The following MCOLN3 variants were observed in gnomAD, a reference collection of about 807,000 sequenced individuals.
MCOLN3 encodes the protein mucolipin TRP cation channel 3, also known as mucolipin-3.
In MCOLN3, 62 loss-of-function variants were observed where a neutral mutation model predicts 69.4. The observed-to-expected ratio is 0.89, with a 90% CI of 0.73 to 1.10. The LOEUF is 1.10. MCOLN3 is among the 50% of genes least tolerant of loss of function. MCOLN3 has a pLI of 0.00. For synonymous variants in MCOLN3, 183 were observed against 217.0 expected (o/e 0.84, Z 1.38); for missense variants, 564 against 656.4 (o/e 0.86, Z 1.54).
chr1:85,036,934 C>T (rs1199432381), intron 3 of MCOLN3: 1 of 152,216 alleles, frequency 6.6e-6, no homozygotes, highest in African/African-American at 2.4e-5. Flanking sequence ...GCAAGTTCCA[C>T]AGGACAGGGA....
intron 2 of MCOLN3, among the ~76,000 whole-genome samples, chr1:85,044,141 A>C (rs966048096): frequency 3.9e-5 from 6 of 152,158 alleles, no homozygotes; most frequent in African/African-American, 1.4e-4. Context: ...TAAATGAAAT[A>C]ATGTACTGGA....
chr1:85,041,857 C>T (rs968900539), intron 2 of MCOLN3, among the ~76,000 whole-genome samples: 1 of 113,806 alleles, frequency 8.8e-6, no homozygotes, highest in South Asian at 2.9e-4. Flanking sequence ...GCAATAAGAG[C>T]GAAACTACGT....
intron 6 of MCOLN3, among the ~76,000 whole-genome samples, chr1:85,030,362 A>T (rs1205079005): frequency 6.6e-6 from 1 of 152,270 alleles, no homozygotes; most frequent in South Asian, 2.1e-4. Context: ...ATGGGATTAG[A>T]AAACATTAGA....
rs1440753556 is a variant in MCOLN3, at chr1:85,021,298, G to T, written c.1321-22C>A. 1.0e-5 allele frequency: 16 copies of T among 1,585,940 alleles called. No individual in the cohort carries two copies. In the East Asian group the frequency reaches 2.9e-4, roughly 29 times the overall value. On this transcript the variant is annotated intron_variant, in intron 11 of 12. Transcript: ENST00000370589. ...GAAACTGGAAAAAGAAAAGAGAAAA[G>T]TTCACTTTATTCCATGTTCCTTCCC...
chr1:85,038,495 T>TCTCCAATCA, intron 3 of MCOLN3, among the ~76,000 whole-genome samples: 1 of 152,212 alleles, frequency 6.6e-6, no homozygotes, highest in South Asian at 2.1e-4. Flanking sequence ...CAGTATTGGA[T>TCTCCAATCA]CAGAATGAGC....
At chr1:85,046,321 G>T (rs1456470270) in intron 1 of MCOLN3, among the ~76,000 whole-genome samples, 1 of 150,596 alleles carries the variant, frequency 6.6e-6, no homozygotes, top group Admixed American at 6.6e-5. Flanking sequence ...GGGGGGGCAG[G>T]TACGTTTGAA....
At position 85,022,153 on chromosome 1, in the gene MCOLN3, T is replaced by A. The variant is rs935357460; in HGVS notation, c.1237A>T (p.Ile413Phe). ...LTLQAALPNV[I>F]RFCCCAAMIY... is the part of the protein sequence containing the mutation. ...ATAGCTGCACAGCAGCAGAACCTGA[T>A]GACATTGGGCAGCGCTGCCTGAAGG... Residue 413 changes from isoleucine to phenylalanine, a missense_variant, in exon 11 of 13, where the codon ATC becomes TTC. Coordinates refer to ENST00000370589, the MANE Select transcript of MCOLN3 (RefSeq NM_018298.11). 2 of 1,614,108 alleles carry A rather than the reference T, an allele frequency of 1.2e-6. No homozygotes were observed. The highest frequency in any genetic ancestry group is 1.7e-6 in the Non-Finnish European group (2 of 1,179,980).
At chr1:85,032,626 A>G in intron 6 of MCOLN3, 70 bp downstream of exon 6, 1 of 1,089,208 alleles carries the variant, frequency 9.2e-7, no homozygotes, top group Non-Finnish European at 1.4e-6. Flanking sequence ...TAATCCAAGG[A>G]TATGAAACAT....
intron 12 of MCOLN3, 36 bp from the exon 13 acceptor site, chr1:85,019,293 A>C (rs1030550104): frequency 6.3e-7 from 1 of 1,597,374 alleles, no homozygotes; most frequent in Non-Finnish European, 8.5e-7. Context: ...TTTATTAATA[A>C]GCTCCTTGAA....
chr1:85,040,385 T>G (rs1241016914), intron 3 of MCOLN3, among the ~76,000 whole-genome samples: 1 of 152,228 alleles, frequency 6.6e-6, no homozygotes, highest in African/African-American at 2.4e-5. Flanking sequence ...GAATGCTGAC[T>G]TCAAGGACGC....
At chr1:85,038,645 G>A (rs1652912602) in intron 3 of MCOLN3, among the ~76,000 whole-genome samples, 1 of 152,120 alleles carries the variant, frequency 6.6e-6, no homozygotes, top group Non-Finnish European at 1.5e-5. Context: ...CAACTATTAA[G>A]TAAAGAAATG....
chr1:85,023,485 A>G (rs1028507359), intron 9 of MCOLN3: 1 of 152,264 alleles, frequency 6.6e-6, no homozygotes, highest in Non-Finnish European at 1.5e-5. Flanking sequence ...TGAGTAACTG[A>G]TGAGAGTTAC....
At chr1:85,043,003 C>G (rs560120654) in intron 2 of MCOLN3, among the ~76,000 whole-genome samples, 174 of 152,266 alleles carry the variant, frequency 1.1e-3, no homozygotes, top group African/African-American at 4.0e-3. Flanking sequence ...ATATCTTAAA[C>G]CATTGTTCAG....
intron 7 of MCOLN3, among the ~76,000 whole-genome samples, 163 bp downstream of exon 7, chr1:85,028,943 A>G (rs113975943): frequency 1.2e-3 from 177 of 152,278 alleles, no homozygotes; most frequent in African/African-American, 4.1e-3. Context: ...CATGACTCAC[A>G]TATTGCCTGA....
chr1:85,043,898 G>C (rs1653207876), intron 2 of MCOLN3, among the ~76,000 whole-genome samples: 1 of 151,412 alleles, frequency 6.6e-6, no homozygotes, highest in Non-Finnish European at 1.5e-5. Flanking sequence ...GAGTGCAGTG[G>C]TGTGATCACC....
At chr1:85,047,673 A>T (rs1456203051) in intron 1 of MCOLN3, 1 of 152,298 alleles carries the variant, frequency 6.6e-6, no homozygotes, top group Non-Finnish European at 1.5e-5. Flanking sequence ...TTGGCGACAA[A>T]GTTATGCAAC....
In MCOLN3 at chr1:85,026,261, T is replaced by C; in HGVS notation, c.856A>G (p.Met286Val). Residue 286 changes from methionine to valine, a missense_variant, in exon 8 of 13, where the codon ATG (methionine) becomes GTG (valine). Coordinates refer to ENST00000370589, the MANE Select transcript of MCOLN3 (RefSeq NM_018298.11). ...GSIQKNTHYM[M>V]IFDAFVILTC... ...AGAATGACAAAGGCATCAAAGATCA[T>C]CATGTAATGAGTGTTCTTCTGAACT... The C allele has an allele frequency of 6.2e-7, 1 of 1,613,676 alleles. No homozygotes were observed. The highest frequency in any genetic ancestry group is 2.2e-5 in the East Asian group (1 of 44,862).
At chr1:85,040,875 T>G (rs1455396475) in intron 3 of MCOLN3, 135 bp downstream of exon 3, 1 of 814,284 alleles carries the variant, frequency 1.2e-6, no homozygotes, top group Admixed American at 3.3e-5. Flanking sequence ...AAATTAAAAA[T>G]AATTTTGTAT....
At chr1:85,044,722 G>A (rs1421035950) in intron 2 of MCOLN3, among the ~76,000 whole-genome samples, 1 of 152,182 alleles carries the variant, frequency 6.6e-6, no homozygotes, top group Admixed American at 6.5e-5. Context: ...CTAAGAATTT[G>A]CCTGTAGCAG....
Sources: allele counts gnomAD v4.1 joint callset (sites outside exome capture counted in the v4.1 genomes callset), GRCh38; gene constraint gnomAD v4.1.1; transcripts MANE v1.5; gene names NCBI Gene and HGNC (gene_info 2026-07-23, HGNC 2026-07-21).